Variants in SBDS observed in about 807,000 individuals in gnomAD.
SBDS encodes ribosome maturation protein SBDS.
SBDS carries 20 observed loss-of-function variants against 26.4 expected under a neutral mutation model. The observed-to-expected ratio is 0.76, with a 90% CI of 0.53 to 1.10. SBDS has a LOEUF of 1.10. Ranked by LOEUF, SBDS falls within the 50% of genes least tolerant of loss-of-function variation. The probability of loss-of-function intolerance (pLI) is 0.00; values close to 1 mark genes in which losing one functional copy is unlikely to be tolerated. For synonymous variants in SBDS, 95 were observed against 105.1 expected (o/e 0.90, Z 0.59); for missense variants, 241 against 302.0 (o/e 0.80, Z 1.50).
intron 4 of SBDS, 77 bp from the exon 5 acceptor site, chr7:66,988,576 AG>A: frequency 2.6e-6 from 4 of 1,529,238 alleles, no homozygotes; most frequent in Non-Finnish European, 2.7e-6. Context: ...ACTTCCTTTG[AG>A]GCAAGCACAA....
intron 2 of SBDS, 27 bp downstream of exon 2, chr7:66,994,185 G>A (rs574544072): frequency 1.2e-6 from 2 of 1,612,464 alleles, no homozygotes; most frequent in African/African-American, 2.7e-5. Flanking sequence ...GGTTATTAGG[G>A]TTAGCTATGC....
chr7:66,994,328 C>T lies in SBDS; in HGVS notation c.142G>A (p.Asp48Asn). The change falls in exon 2 of 5, where the codon GAT becomes AAT. Residue 48 changes from aspartate to asparagine, a missense_variant. Coordinates refer to ENST00000246868, the MANE Select transcript of SBDS (RefSeq NM_016038.4). ...GWRSGVEKDL[D>N]EVLQTHSVFV... ...ACTGAGTGGGTCTGCAGAACTTCAT[C>T]GAGGTCTTTTTCCCTTGTGAGGGCA... The T allele has an allele frequency of 1.2e-6, 2 of 1,613,960 alleles. No individual in the cohort carries two copies. The highest frequency in any genetic ancestry group is 1.7e-6 in the Non-Finnish European group (2 of 1,179,930).
At chr7:66,988,641 A>G (rs1792916158) in intron 4 of SBDS, 142 bp from the exon 5 acceptor site, 1 of 1,020,740 alleles carries the variant, frequency 9.8e-7, no homozygotes, top group Admixed American at 2.0e-5. Flanking sequence ...AGATAAGACA[A>G]TGGGTAGGGC....
chr7:66,994,508 C>G, intron 1 of SBDS, 167 bp from the exon 2 acceptor site: 2 of 670,190 alleles, frequency 3.0e-6, no homozygotes, highest in South Asian at 3.1e-5. Context: ...CCAACCCCCG[C>G]CCCTAGATGG....
At position 66,988,644 on chromosome 7, in the gene SBDS, G is replaced by C. The variant is rs190574067; in HGVS notation, c.625-145C>G. 189 of 992,428 alleles carry C rather than the reference G, an allele frequency of 1.9e-4. No individual in the cohort carries two copies. In the African/African-American group the frequency reaches 2.7e-3, roughly 14 times the overall value. The allele number at this position is 992,428 out of a possible 1,614,324, so 61.5% of individuals were successfully genotyped here. ...CTATGGTGCAATAGATAAGACAATGGGTAGGGCGGCACACTGGGTTCCAGT... is the reference window on the plus strand; with the variant it reads ...CTATGGTGCAATAGATAAGACAATGCGTAGGGCGGCACACTGGGTTCCAGT... On this transcript the variant is annotated intron_variant, in intron 4 of 4. Transcript: ENST00000246868.
Position 66,987,990 on chromosome 7 carries a change from A to AC in SBDS, c.*380dup, listed in dbSNP as rs754933108. The AC allele has an allele frequency of 5.6e-4, 149 of 266,408 alleles. No individual in the cohort carries two copies. Among genetic ancestry groups the AC allele is most frequent in the African/African-American group, 1.4e-3 (62 of 45,196 alleles). 16.5% of individuals were successfully genotyped at this position (266,408 alleles called of 1,614,324 possible). On this transcript the variant is annotated 3_prime_UTR_variant, in exon 5 of 5. Transcript: ENST00000246868. ...TCATATGTTTTCTTTTTTAGGAAAG[A>AC]CCCCCCCTTTTGTTGTATAGACATA...
chr7:66,989,371 C>A (rs2129231388), intron 4 of SBDS, among the ~76,000 whole-genome samples: 1 of 151,766 alleles, frequency 6.6e-6, no homozygotes, highest in East Asian at 2.0e-4. Context: ...CATGGAGAGA[C>A]CCCGTCTCTA....
intron 1 of SBDS, among the ~76,000 whole-genome samples, chr7:66,994,995 T>A (rs961815584): frequency 1.3e-5 from 2 of 152,208 alleles, no homozygotes; most frequent in African/African-American, 4.8e-5. Context: ...TTCTCAGCCA[T>A]CATTATTCTA....
chr7:66,994,472 G>A (rs1793048833), intron 1 of SBDS, 131 bp from the exon 2 acceptor site: 1 of 871,654 alleles, frequency 1.1e-6, no homozygotes, highest in Admixed American at 1.9e-5. Context: ...CTTTAGTGTA[G>A]AGGGCAGTTT....
In SBDS at chr7:66,995,353, C is replaced by T; in HGVS notation, c.65G>A (p.Arg22His). The T allele has an allele frequency of 6.2e-7, 1 of 1,614,154 alleles. No homozygotes were observed. Among genetic ancestry groups the T allele is most frequent in the Non-Finnish European group, 8.5e-7 (1 of 1,180,012 alleles). ...GGCGATTTCGAAGCGCTTCCCGGCA[C>T]GCTTCATCCGTACCACGGCCACATT... The part of the protein sequence containing the change: ...LTNVAVVRMK[R>H]AGKRFEIACY... The change falls in exon 1 of 5, where the codon CGT becomes CAT. Residue 22 changes from arginine to histidine, a missense_variant. Arg to His is a conservative substitution (Grantham distance 29). Transcript: ENST00000246868.
intron 2 of SBDS, 59 bp downstream of exon 2, chr7:66,994,152 AT>A: frequency 6.4e-7 from 1 of 1,565,074 alleles, no homozygotes; most frequent in African/African-American, 1.3e-5. Flanking sequence ...AATGTTTAAT[AT>A]ATCTACAAAT....
intron 1 of SBDS, 144 bp downstream of exon 1, chr7:66,995,146 G>C (rs1366379911): frequency 8.6e-7 from 1 of 1,158,632 alleles, no homozygotes; most frequent in Non-Finnish European, 1.3e-6. Flanking sequence ...GGACAGCGAC[G>C]TCTCATGCTC....
chr7:66,989,502 G>A (rs1317582388), intron 4 of SBDS, among the ~76,000 whole-genome samples: 9 of 151,964 alleles, frequency 5.9e-5, no homozygotes, highest in Admixed American at 3.9e-4. Flanking sequence ...CTGAGATCAC[G>A]CCATTGCACT....
chr7:66,990,190 G>A (rs1018431262), intron 4 of SBDS, among the ~76,000 whole-genome samples: 2 of 151,830 alleles, frequency 1.3e-5, no homozygotes, highest in East Asian at 3.9e-4. Flanking sequence ...AGACTATTTT[G>A]TATTTTTAGT....
chr7:66,987,958 T>C lies in SBDS; in HGVS notation c.*413A>G, dbSNP rs1466839040. 4.0e-6 allele frequency: 1 copy of C among 252,476 alleles called. No homozygotes were observed. Among genetic ancestry groups the C allele is most frequent in the Non-Finnish European group, 7.8e-6 (1 of 128,632 alleles). The allele number at this position is 252,476 out of a possible 1,614,324, so 15.6% of individuals were successfully genotyped here. On this transcript the variant is annotated 3_prime_UTR_variant, in exon 5 of 5. Coordinates refer to ENST00000246868, the MANE Select transcript of SBDS (RefSeq NM_016038.4). The stretch of plus-strand genomic sequence containing the variant: ...GAACACAAGTTCCATTAAGTAGAAA[T>C]GAAGCATCATATGTTTTCTTTTTTA...
At chr7:66,994,452 C>T (rs878873303) in intron 1 of SBDS, 111 bp from the exon 2 acceptor site, 16 of 980,148 alleles carry the variant, frequency 1.6e-5, no homozygotes, top group Admixed American at 1.6e-4. Context: ...CAACAAATCC[C>T]CCTGATGACC....
chr7:66,995,192 C>T, intron 1 of SBDS, 98 bp downstream of exon 1: 1 of 1,548,526 alleles, frequency 6.5e-7, no homozygotes, highest in Non-Finnish European at 8.9e-7. Context: ...CCGGCCAACA[C>T]CCCAGCCTGG....
chr7:66,991,746 A>T (rs941966051), intron 3 of SBDS, among the ~76,000 whole-genome samples: 2 of 6,336 alleles, frequency 3.2e-4, no homozygotes, highest in Non-Finnish European at 5.7e-4. Context: ...TTGCAAAAAG[A>T]GGGCGGGGGG....
In SBDS at chr7:66,994,501, AC is replaced by A; in HGVS notation, c.129-161del. On this transcript the variant is annotated intron_variant, in intron 1 of 4. Coordinates refer to ENST00000246868, the MANE Select transcript of SBDS (RefSeq NM_016038.4). ...GCAGTTTTCTTTTTCTTACCCCCCA[AC>A]CCCCGCCCCTAGATGGAATTTCACT... The A allele has an allele frequency of 8.1e-6, 5 of 615,038 alleles. No homozygotes were observed. The South Asian group carries it at 8.3e-5, about 10-fold the overall frequency. 38.1% of individuals were successfully genotyped at this position (615,038 alleles called of 1,614,324 possible).
Sources: allele counts gnomAD v4.1 joint callset (sites outside exome capture counted in the v4.1 genomes callset), GRCh38; gene constraint gnomAD v4.1.1; transcripts MANE v1.5; gene names NCBI Gene and HGNC (gene_info 2026-07-23, HGNC 2026-07-21).